ULK4: variants seen among roughly 807,000 people sequenced by gnomAD.
ULK4 encodes inactive serine/threonine-protein kinase ULK4.
In ULK4, 133 loss-of-function variants were observed where a neutral mutation model predicts 160.6. The ratio of observed to expected loss-of-function variants is 0.83; its 90% CI spans 0.72 to 0.96. ULK4 has a LOEUF of 0.96. Among genes scored for constraint, ULK4 ranks in the 40% least tolerant of loss-of-function variants. The probability of loss-of-function intolerance (pLI) is 0.00; values close to 1 mark genes in which losing one functional copy is unlikely to be tolerated. For missense variants in ULK4, 1,580 were observed against 1,499.5 expected (o/e 1.05, Z -0.89); for synonymous variants, 534 against 539.8 (o/e 0.99, Z 0.15).
chr3:41,364,584 A>G (rs777587859), intron 35 of ULK4, among the ~76,000 whole-genome samples: 4 of 152,210 alleles, frequency 2.6e-5, no homozygotes, highest in Non-Finnish European at 4.4e-5. Flanking sequence ...TACTAGATAA[A>G]TGAGACTTTA....
At chr3:41,404,957 T>C (rs1333615210) in intron 34 of ULK4, among the ~76,000 whole-genome samples, 1 of 152,204 alleles carries the variant, frequency 6.6e-6, no homozygotes, top group East Asian at 1.9e-4. Flanking sequence ...ACTCTAATCA[T>C]CTATATTTTT....
intron 30 of ULK4, among the ~76,000 whole-genome samples, chr3:41,648,907 G>A (rs1258246355): frequency 6.6e-6 from 1 of 152,138 alleles, no homozygotes; most frequent in Admixed American, 6.5e-5. Context: ...GCCAAGGCGG[G>A]CAGATCGTTT....
At chr3:41,449,146 GACCTCAAGTGATCTGCCC>G (rs1159991428) in intron 34 of ULK4, among the ~76,000 whole-genome samples, 4 of 152,092 alleles carry the variant, frequency 2.6e-5, no homozygotes, top group Non-Finnish European at 5.9e-5. Context: ...TCAAACTCCT[GACCTCAAGTGATCTGCCC>G]ACCTCAGCCT....
intron 17 of ULK4, chr3:41,859,512 G>C (rs574822430): frequency 3.7e-6 from 2 of 546,972 alleles, no homozygotes; most frequent in Non-Finnish European, 7.4e-6. Flanking sequence ...GACCCTTAGG[G>C]ATAAACCAAG....
chr3:41,795,356 T>C (rs548158164), intron 20 of ULK4, among the ~76,000 whole-genome samples: 108 of 152,316 alleles, frequency 7.1e-4, no homozygotes, highest in African/African-American at 2.5e-3. Context: ...AGGAATCTTA[T>C]GGCCTATTCC....
At chr3:41,392,785 C>T (rs1004176422) in intron 35 of ULK4, among the ~76,000 whole-genome samples, 4 of 152,112 alleles carry the variant, frequency 2.6e-5, no homozygotes, top group Admixed American at 2.0e-4. Flanking sequence ...TTCTTATGGT[C>T]AAGAAAATGC....
At position 41,514,372 on chromosome 3, in the gene ULK4, G is replaced by A. The variant is rs2085684409; in HGVS notation, c.3227-51119C>T. On this transcript the variant is annotated intron_variant, in intron 32 of 36. Coordinates refer to ENST00000301831, the MANE Select transcript of ULK4 (RefSeq NM_017886.4). ...CAGGTCAAACAAAAGACCTGGAGGGGGTCGTGCGAAGCAAAGGAATAGGGT... is the reference window on the plus strand; with the variant it reads ...CAGGTCAAACAAAAGACCTGGAGGGAGTCGTGCGAAGCAAAGGAATAGGGT... Among the ~76,000 whole-genome samples, 4 of 152,132 alleles carry A rather than the reference G, an allele frequency of 2.6e-5. No homozygotes were observed. The South Asian group carries it at 8.3e-4, about 32-fold the overall frequency.
intron 30 of ULK4, among the ~76,000 whole-genome samples, chr3:41,626,673 C>T (rs1309667998): frequency 6.6e-6 from 1 of 151,922 alleles, no homozygotes; most frequent in Non-Finnish European, 1.5e-5. Context: ...TACAGGCGCC[C>T]GCCACCATGT....
rs569539583 is a variant in ULK4 at position 41,510,562 on chromosome 3, A to T, written c.3227-47309T>A. 1.4e-4 allele frequency among the ~76,000 whole-genome samples: 21 copies of T among 152,356 alleles called. No homozygotes were observed. The East Asian group carries it at 4.0e-3, about 29-fold the overall frequency. On this transcript the variant is annotated intron_variant, in intron 32 of 36. Coordinates refer to ENST00000301831, the MANE Select transcript of ULK4 (RefSeq NM_017886.4). ...TCATCAGTACATGGAACATTCTCCAAGATGGGCCATATGATAAAGCACAAA... is the reference window on the plus strand; with the variant it reads ...TCATCAGTACATGGAACATTCTCCATGATGGGCCATATGATAAAGCACAAA...
chr3:41,873,465 C>T (rs1357277183), intron 17 of ULK4, among the ~76,000 whole-genome samples: 1 of 152,082 alleles, frequency 6.6e-6, no homozygotes, highest in African/African-American at 2.4e-5. Flanking sequence ...TTGAAAATTT[C>T]CCTCACTTTC....
At position 41,679,202 on chromosome 3, in the gene ULK4, G is replaced by T. The variant is rs187079838; in HGVS notation, c.2978+2306C>A. 8.0e-4 allele frequency among the ~76,000 whole-genome samples: 121 copies of T among 152,190 alleles called. 1 individual carries two copies. Among genetic ancestry groups the T allele is most frequent in the African/African-American group, 2.7e-3 (114 of 41,522 alleles). Reference sequence around the variant, plus strand: ...ATCTTTACTTTAAAGATTAATATGAGATTAAAATAATGAGCCTAACAATAA... The same window carrying T: ...ATCTTTACTTTAAAGATTAATATGATATTAAAATAATGAGCCTAACAATAA... On this transcript the variant is annotated intron_variant, in intron 29 of 36. Coordinates refer to ENST00000301831, the MANE Select transcript of ULK4 (RefSeq NM_017886.4).
At chr3:41,545,830 C>A (rs949243462) in intron 32 of ULK4, among the ~76,000 whole-genome samples, 1 of 152,070 alleles carries the variant, frequency 6.6e-6, no homozygotes, top group African/African-American at 2.4e-5. Flanking sequence ...CTCTGTCTCT[C>A]ACATGGGAAA....
At chr3:41,579,727 C>T (rs1271361443) in intron 31 of ULK4, among the ~76,000 whole-genome samples, 2 of 151,954 alleles carry the variant, frequency 1.3e-5, no homozygotes, top group East Asian at 3.9e-4. Flanking sequence ...CTCCTGACCT[C>T]GTGATCCGCC....
intron 27 of ULK4, among the ~76,000 whole-genome samples, chr3:41,688,465 A>C (rs1421142745): frequency 6.6e-6 from 1 of 152,218 alleles, no homozygotes; most frequent in Admixed American, 6.5e-5. Context: ...CCAAATAGCT[A>C]AAAAGTTTTC....
At chr3:41,953,257 T>TAC (rs1194413698) in intron 2 of ULK4, among the ~76,000 whole-genome samples, 78 of 134,278 alleles carry the variant, frequency 5.8e-4, no homozygotes, top group African/African-American at 1.9e-3. Flanking sequence ...TACACATACA[T>TAC]ATATATACAC....
intron 2 of ULK4, among the ~76,000 whole-genome samples, chr3:41,944,004 T>C (rs1017529056): frequency 5.3e-5 from 8 of 152,182 alleles, no homozygotes; most frequent in Admixed American, 3.3e-4. Context: ...CAGAAAAAGA[T>C]TTCCGCCCCT....
chr3:41,506,767 A>AAAAAAAAAAAAAATAT lies in ULK4; in HGVS notation c.3227-43515_3227-43514insATATTTTTTTTTTTTT. Among the ~76,000 whole-genome samples, 27 of 56,794 alleles carry AAAAAAAAAAAAAATAT rather than the reference A, an allele frequency of 4.8e-4. 2 individuals carry two copies. Among genetic ancestry groups the AAAAAAAAAAAAAATAT allele is most frequent in the African/African-American group, 1.2e-3 (15 of 12,248 alleles). The allele number at this position is 56,794 out of a possible 152,430, so 37.3% of individuals were successfully genotyped here. ...AGCAATACACTGGAGTGTGATTTAA[A>AAAAAAAAAAAAAATAT]ATATATATATATATATATATATATA... On this transcript the variant is annotated intron_variant, in intron 32 of 36. Coordinates refer to ENST00000301831, the MANE Select transcript of ULK4 (RefSeq NM_017886.4).
chr3:41,904,636 T>C (rs950538941), intron 12 of ULK4, among the ~76,000 whole-genome samples: 2 of 152,126 alleles, frequency 1.3e-5, no homozygotes, highest in Non-Finnish European at 2.9e-5. Flanking sequence ...ACCAAAAAAT[T>C]AGCACAGTGA....
chr3:41,433,467 T>C (rs2082960434), intron 34 of ULK4, among the ~76,000 whole-genome samples: 1 of 152,222 alleles, frequency 6.6e-6, no homozygotes, highest in African/African-American at 2.4e-5. Context: ...AGCAATTCTA[T>C]TTCTAGAAAT....
Sources: gnomAD v4.1 joint callset for allele counts (sites outside exome capture counted in the v4.1 genomes callset) on GRCh38, gnomAD v4.1.1 for gene constraint, MANE v1.5 for transcripts, NCBI Gene and HGNC (gene_info 2026-07-23, HGNC 2026-07-21) for gene names.